Variants in TCF3 observed in about 807,000 individuals in gnomAD.
TCF3 encodes transcription factor E2-alpha.
Under a neutral mutation model 72.3 loss-of-function variants are expected in TCF3, and 54 were observed. The observed-to-expected ratio is 0.75, with a 90% CI of 0.60 to 0.94. The LOEUF is 0.94. Ranked by LOEUF, TCF3 falls within the 40% of genes least tolerant of loss-of-function variation. The pLI, the probability that TCF3 is intolerant of heterozygous loss-of-function variation, is 0.00. For synonymous variants in TCF3, 525 were observed against 412.6 expected (o/e 1.27, Z -3.30); for missense variants, 1,078 against 934.4 (o/e 1.15, Z -2.00).
chr19:1,630,031 A>T (rs1288527913), intron 5 of TCF3, among the ~76,000 whole-genome samples: 3 of 151,658 alleles, frequency 2.0e-5, no homozygotes, highest in Non-Finnish European at 4.4e-5. Flanking sequence ...CCTCCCCGGG[A>T]CCCCCGCCTG....
Position 1,626,707 on chromosome 19 carries a change from C to T in TCF3, c.366+652G>A, listed in dbSNP as rs530241430. 3.2e-3 allele frequency among the ~76,000 whole-genome samples: 487 copies of T among 152,304 alleles called. 4 individuals carry two copies. Among genetic ancestry groups the T allele is most frequent in the African/African-American group, 0.011 (461 of 41,570 alleles). On this transcript the variant is annotated intron_variant, in intron 6 of 18. Transcript: ENST00000262965. Reference sequence around the variant, plus strand: ...GCACGTAGGCCGCGGCCCCTCGTTGCGGGGACTGATAGGGAAACGCGCATC... The same window carrying T: ...GCACGTAGGCCGCGGCCCCTCGTTGTGGGGACTGATAGGGAAACGCGCATC...
chr19:1,627,264 C>T, intron 6 of TCF3, 95 bp downstream of exon 6: 1 of 915,452 alleles, frequency 1.1e-6, no homozygotes, highest in Non-Finnish European at 1.5e-6. Flanking sequence ...CAAACATAAC[C>T]TAGCTAAGCC....
At chr19:1,649,872 G>T (rs1271971094) in intron 2 of TCF3, among the ~76,000 whole-genome samples, 2 of 152,240 alleles carry the variant, frequency 1.3e-5, no homozygotes, top group East Asian at 3.8e-4. Context: ...GATCAAGGCC[G>T]CATTTTGCTT....
At chr19:1,629,431 G>A (rs976837770) in intron 5 of TCF3, among the ~76,000 whole-genome samples, 3 of 152,198 alleles carry the variant, frequency 2.0e-5, no homozygotes, top group African/African-American at 7.2e-5. Flanking sequence ...GGCGCTCAGT[G>A]ACAAAGGACA....
chr19:1,644,367 C>G (rs963795061), intron 3 of TCF3, among the ~76,000 whole-genome samples: 1 of 151,610 alleles, frequency 6.6e-6, no homozygotes, highest in Non-Finnish European at 1.5e-5. Context: ...CGGGCTCAGG[C>G]GGGCGTTAAC....
At chr19:1,632,454 C>A in intron 3 of TCF3, 49 bp from the exon 4 acceptor site, 7 of 1,532,500 alleles carry the variant, frequency 4.6e-6, no homozygotes, top group Non-Finnish European at 5.3e-6. Context: ...GCCTGCCCAG[C>A]TCTAAAAGCT....
intron 5 of TCF3, 52 bp downstream of exon 5, chr19:1,631,983 CCCA>C (rs1448572908): frequency 6.3e-7 from 1 of 1,588,700 alleles, no homozygotes; most frequent in African/African-American, 1.3e-5. Flanking sequence ...CATGCCAAGG[CCCA>C]CGTCTGCACA....
intron 5 of TCF3, 55 bp from the exon 6 acceptor site, chr19:1,627,481 G>C (rs1599716164): frequency 6.6e-7 from 1 of 1,523,350 alleles, no homozygotes; most frequent in East Asian, 2.3e-5. Flanking sequence ...CATCCTGAGG[G>C]CCCCCGAGTG....
intron 18 of TCF3, chr19:1,612,119 G>T: frequency 7.4e-7 from 1 of 1,342,684 alleles, no homozygotes; most frequent in South Asian, 1.5e-5. Flanking sequence ...CAGAGTCCGG[G>T]GGCGGCAAGC....
At chr19:1,621,230 T>C (rs763001631) in intron 11 of TCF3, 39 bp from the exon 12 acceptor site, 5 of 1,525,800 alleles carry the variant, frequency 3.3e-6, no homozygotes, top group South Asian at 2.4e-5. Flanking sequence ...CAGCCCGGCC[T>C]GGGTGCTGCC....
intron 5 of TCF3, 180 bp downstream of exon 5, chr19:1,631,858 C>G (rs1046250733): frequency 2.7e-4 from 405 of 1,484,322 alleles, no homozygotes; most frequent in Non-Finnish European, 3.4e-4. Context: ...CCAGGGAGTC[C>G]GGGCCACGTC....
intron 4 of TCF3, 33 bp from the exon 5 acceptor site, chr19:1,632,149 G>T: frequency 6.2e-7 from 1 of 1,604,904 alleles, no homozygotes; most frequent in Non-Finnish European, 8.5e-7. Context: ...GAGAGGTGCT[G>T]GGGCTTCACA....
chr19:1,623,825 G>C (rs2062553579), intron 8 of TCF3, 126 bp downstream of exon 8: 2 of 962,860 alleles, frequency 2.1e-6, no homozygotes, highest in East Asian at 2.7e-5. Flanking sequence ...TCTTGGCTCA[G>C]AAATCACAGG....
intron 16 of TCF3, among the ~76,000 whole-genome samples, chr19:1,617,961 G>C (rs552752946): frequency 2.0e-5 from 3 of 152,290 alleles, no homozygotes; most frequent in Admixed American, 2.0e-4. Context: ...AGGAGTGATA[G>C]AATCAAGGTA....
At position 1,611,158 on chromosome 19, in the gene TCF3, A is replaced by G. The variant is rs1171851924; in HGVS notation, c.*549T>C. The G allele has an allele frequency of 1.3e-5, 3 of 227,634 alleles. No individual in the cohort carries two copies. The highest frequency in any genetic ancestry group is 6.7e-5 in the African/African-American group (3 of 44,630). The allele number at this position is 227,634 out of a possible 1,614,324, so 14.1% of individuals were successfully genotyped here. A position where few individuals can be genotyped will look rare whatever the true frequency, so the allele number is the denominator to read the frequency against. On this transcript the variant is annotated 3_prime_UTR_variant, in exon 19 of 19. Coordinates refer to ENST00000262965, the MANE Select transcript of TCF3 (RefSeq NM_003200.5). ...CTTGCTAATTTTCATCTACATTAAG[A>G]AAAAAAAAATCTTGTAACTAATGTT... is the stretch of plus-strand genomic sequence containing the variant.
intron 3 of TCF3, among the ~76,000 whole-genome samples, chr19:1,632,783 G>A (rs2063865792): frequency 1.3e-5 from 2 of 152,176 alleles, no homozygotes; most frequent in Admixed American, 1.3e-4. Context: ...GTGGACTGGG[G>A]TCTCTGTGTC....
chr19:1,610,469 TCAGC>T lies in TCF3; in HGVS notation c.*1234_*1237del, dbSNP rs2060904841. On this transcript the variant is annotated 3_prime_UTR_variant, in exon 19 of 19. Transcript: ENST00000262965. ...GTGCTGGCTCCTGAGCAGCATCCTC[TCAGC>T]CAGAGTTCAGAGCATGAGCCTGGGT... is the stretch of plus-strand genomic sequence containing the variant. The T allele has an allele frequency of 1.3e-5, 3 of 231,102 alleles. No homozygotes were observed. Among genetic ancestry groups the T allele is most frequent in the East Asian group, 6.1e-5 (1 of 16,274 alleles). The allele number at this position is 231,102 out of a possible 1,614,324, so 14.3% of individuals were successfully genotyped here.
At position 1,619,310 on chromosome 19, in the gene TCF3, G is replaced by A. The variant is rs768132244; in HGVS notation, c.1326+6C>T. The A allele has an allele frequency of 3.8e-6, 6 of 1,569,802 alleles. No homozygotes were observed. Among genetic ancestry groups the A allele is most frequent in the African/African-American group, 1.3e-5 (1 of 74,334 alleles). ...CTGCCCAGCTCCACCCTCGCCCAGCGCTCACCAGGCCTGCGTGCCGCCCGC... is the reference window on the plus strand; with the variant it reads ...CTGCCCAGCTCCACCCTCGCCCAGCACTCACCAGGCCTGCGTGCCGCCCGC... On this transcript the variant is annotated splice_donor_region_variant and intron_variant, in intron 15 of 18. Coordinates refer to ENST00000262965, the MANE Select transcript of TCF3 (RefSeq NM_003200.5).
intron 3 of TCF3, among the ~76,000 whole-genome samples, chr19:1,644,645 C>G (rs2145552203): frequency 6.6e-6 from 1 of 152,308 alleles, no homozygotes; most frequent in South Asian, 2.1e-4. Flanking sequence ...CCTGCTGGGA[C>G]CGGGCTGGGC....
Sources: allele counts gnomAD v4.1 joint callset (sites outside exome capture counted in the v4.1 genomes callset), GRCh38; gene constraint gnomAD v4.1.1; transcripts MANE v1.5; gene names NCBI Gene and HGNC (gene_info 2026-07-23, HGNC 2026-07-21).